Variants in EXT1 observed in about 807,000 individuals in gnomAD.
The protein encoded by EXT1 is exostosin-1.
Under a neutral mutation model 82.5 loss-of-function variants are expected in EXT1, and 20 were observed. That is an observed-to-expected ratio of 0.24 (90% CI 0.17 to 0.35). EXT1 has a LOEUF of 0.35. Ranked by LOEUF, EXT1 falls within the 10% of genes least tolerant of loss-of-function variation. The pLI is 1.00. For synonymous variants in EXT1, 348 were observed against 350.8 expected (o/e 0.99, Z 0.09); for missense variants, 757 against 936.5 (o/e 0.81, Z 2.50).
intron 1 of EXT1, among the ~76,000 whole-genome samples, chr8:118,064,258 C>T (rs1385876014): frequency 2.0e-5 from 3 of 152,052 alleles, no homozygotes. Flanking sequence ...TATACACATG[C>T]CATGGTGGTT....
At chr8:117,839,994 A>G (rs1369825029) in intron 1 of EXT1, among the ~76,000 whole-genome samples, 1 of 152,208 alleles carries the variant, frequency 6.6e-6, no homozygotes, top group African/African-American at 2.4e-5. Flanking sequence ...GAGATTATAG[A>G]AGGCCGACCT....
intron 1 of EXT1, among the ~76,000 whole-genome samples, chr8:118,002,578 T>A (rs1364664855): frequency 7.1e-6 from 1 of 141,092 alleles, no homozygotes; most frequent in Admixed American, 7.6e-5. Context: ...GTCACCCAGG[T>A]TGGAGCGCAG....
At chr8:117,975,957 T>C (rs1462757403) in intron 1 of EXT1, among the ~76,000 whole-genome samples, 1 of 152,204 alleles carries the variant, frequency 6.6e-6, no homozygotes, top group Non-Finnish European at 1.5e-5. Flanking sequence ...TAAATGCTGG[T>C]AGAGAAAGAA....
chr8:118,036,647 T>C (rs116598105), intron 1 of EXT1, among the ~76,000 whole-genome samples: 1 of 152,316 alleles, frequency 6.6e-6, no homozygotes, highest in African/African-American at 2.4e-5. Flanking sequence ...GTTACTTCTG[T>C]GATCATCAGT....
At chr8:118,080,800 A>G (rs1817305717) in intron 1 of EXT1, among the ~76,000 whole-genome samples, 1 of 152,190 alleles carries the variant, frequency 6.6e-6, no homozygotes, top group Non-Finnish European at 1.5e-5. Context: ...TACTAAATAC[A>G]GAAGTCTCAT....
intron 1 of EXT1, among the ~76,000 whole-genome samples, chr8:117,946,027 T>C (rs1333366709): frequency 6.6e-6 from 1 of 152,124 alleles, no homozygotes; most frequent in East Asian, 1.9e-4. Flanking sequence ...CTCAGTCTCC[T>C]GAGCTGGGAT....
At chr8:118,041,607 C>A (rs1202438062) in intron 1 of EXT1, among the ~76,000 whole-genome samples, 6 of 147,618 alleles carry the variant, frequency 4.1e-5, no homozygotes, top group South Asian at 2.1e-4. Context: ...AGTTTATATA[C>A]AAGCTAGAGG....
At chr8:117,920,488 C>A (rs1057442188) in intron 1 of EXT1, among the ~76,000 whole-genome samples, 1 of 152,176 alleles carries the variant, frequency 6.6e-6, no homozygotes, top group African/African-American at 2.4e-5. Context: ...TAAATCCCTC[C>A]TGTGTTCTTT....
In EXT1 at chr8:118,111,027, T is replaced by C. The variant is rs1586280365; in HGVS notation, c.20A>G (p.Tyr7Cys). Residue 7 changes from tyrosine (Y) to cysteine (C), a missense_variant, in exon 1 of 11, where the codon TAT becomes TGT. Coordinates refer to ENST00000378204, the MANE Select transcript of EXT1 (RefSeq NM_000127.3). MQAKKR[Y>C]FILLSAGSCL... is the part of the protein sequence containing the mutation. ...AGAGCCAGCTGAGAGCAGGATGAAA[T>C]AGCGTTTTTTGGCCTGCATGTGTCC... The C allele has an allele frequency of 1.2e-5, 19 of 1,599,406 alleles. No individual in the cohort carries two copies. Among genetic ancestry groups the C allele is most frequent in the Non-Finnish European group, 1.6e-5 (19 of 1,178,666 alleles).
intron 1 of EXT1, among the ~76,000 whole-genome samples, chr8:118,021,489 G>T (rs1187612585): frequency 6.6e-6 from 1 of 152,166 alleles, no homozygotes; most frequent in Non-Finnish European, 1.5e-5. Flanking sequence ...AGAAGTTCAG[G>T]TACTGAGATA....
At chr8:117,994,735 A>C (rs1270737165) in intron 1 of EXT1, among the ~76,000 whole-genome samples, 1 of 148,704 alleles carries the variant, frequency 6.7e-6, no homozygotes, top group Non-Finnish European at 1.5e-5. Flanking sequence ...TGGAGCTAGC[A>C]AGTCTAATTT....
chr8:118,063,672 G>A (rs115548371), intron 1 of EXT1, among the ~76,000 whole-genome samples: 2,092 of 152,272 alleles, frequency 0.014, 47 homozygotes, highest in African/African-American at 0.048. Flanking sequence ...ACACTGCTGC[G>A]ATATTAGCTA....
chr8:117,854,330 TA>T (rs1189973255), intron 1 of EXT1, among the ~76,000 whole-genome samples: 2 of 152,028 alleles, frequency 1.3e-5, no homozygotes, highest in Non-Finnish European at 2.9e-5. Flanking sequence ...TGCAGCAAAG[TA>T]AGGATCATAT....
intron 1 of EXT1, among the ~76,000 whole-genome samples, chr8:118,073,702 GAGA>G (rs769912926): frequency 0.073 from 8,481 of 115,414 alleles, 427 homozygotes; most frequent in East Asian, 0.13. Context: ...GAGAAGAGAA[GAGA>G]AGCCTCTTAA....
At chr8:118,018,252 T>G (rs906164248) in intron 1 of EXT1, among the ~76,000 whole-genome samples, 4 of 152,024 alleles carry the variant, frequency 2.6e-5, no homozygotes, top group Admixed American at 1.3e-4. Context: ...CAGAGTAGGG[T>G]GGGTGCCTAA....
rs137990059 is a variant in EXT1 at position 117,966,023 on chromosome 8, C to A, written c.963-128822G>T. On this transcript the variant is annotated intron_variant, in intron 1 of 10. Transcript: ENST00000378204. ...ACACACACACACACATATATACACA[C>A]GCACATATACATATATATACTCACA... Among the ~76,000 whole-genome samples the A allele has an allele frequency of 6.1e-4, 92 of 151,608 alleles. 1 individual carries two copies. The highest frequency in any genetic ancestry group is 1.8e-4 in the Non-Finnish European group (12 of 67,978).
At chr8:118,107,661 G>A (rs566757096) in intron 1 of EXT1, among the ~76,000 whole-genome samples, 1 of 152,254 alleles carries the variant, frequency 6.6e-6, no homozygotes, top group East Asian at 1.9e-4. Context: ...CTCTGCTAGC[G>A]TATCTCCAAA....
intron 1 of EXT1, among the ~76,000 whole-genome samples, chr8:118,008,104 G>A (rs1172792596): frequency 5.9e-5 from 9 of 152,072 alleles, no homozygotes; most frequent in Non-Finnish European, 1.0e-4. Context: ...GATGTGTGAC[G>A]TTCCCCTCCC....
chr8:118,090,711 A>G (rs2129998843), intron 1 of EXT1, among the ~76,000 whole-genome samples: 1 of 136,574 alleles, frequency 7.3e-6, no homozygotes, highest in African/African-American at 2.7e-5. Flanking sequence ...CCTGGGAGAC[A>G]GAGGTTGCAG....
Sources: allele counts gnomAD v4.1 joint callset (sites outside exome capture counted in the v4.1 genomes callset), GRCh38; gene constraint gnomAD v4.1.1; transcripts MANE v1.5; gene names NCBI Gene and HGNC (gene_info 2026-07-23, HGNC 2026-07-21).